Variants in BMPER observed in about 807,000 individuals in gnomAD.
The protein encoded by BMPER is BMP binding endothelial regulator.
Under a neutral mutation model 87.3 loss-of-function variants are expected in BMPER, and 45 were observed. The ratio of observed to expected loss-of-function variants is 0.52; its 90% CI spans 0.41 to 0.66. The LOEUF is 0.66. BMPER is among the 30% of genes least tolerant of loss of function. The pLI is 0.00. For missense variants in BMPER, 784 were observed against 867.5 expected (o/e 0.90, Z 1.21); for synonymous variants, 326 against 316.2 (o/e 1.03, Z -0.33).
intron 6 of BMPER, among the ~76,000 whole-genome samples, chr7:33,976,573 T>A (rs113531199): frequency 1.4e-4 from 22 of 152,362 alleles, no homozygotes; most frequent in African/African-American, 2.2e-4. Context: ...TAATTTTTTT[T>A]AAATAATCTT....
intron 13 of BMPER, among the ~76,000 whole-genome samples, chr7:34,132,974 C>CT (rs35253517): frequency 0.16 from 24,574 of 151,956 alleles, 2,240 homozygotes; most frequent in Non-Finnish European, 0.2. Context: ...CTAGGGAAAT[C>CT]TTTTTTTTAA....
chr7:34,145,181 AGTTT>A (rs1790984761), intron 14 of BMPER, among the ~76,000 whole-genome samples: 1 of 152,160 alleles, frequency 6.6e-6, no homozygotes, highest in Non-Finnish European at 1.5e-5. Context: ...CCCCTGAGTT[AGTTT>A]GTGTGTTTAC....
chr7:33,986,212 T>TC (rs764610038), intron 6 of BMPER, among the ~76,000 whole-genome samples: 1 of 152,186 alleles, frequency 6.6e-6, no homozygotes, highest in African/African-American at 2.4e-5. Flanking sequence ...CTTCTCTCTT[T>TC]CCTTCTTGGC....
At chr7:34,007,353 A>G (rs1786762058) in intron 6 of BMPER, among the ~76,000 whole-genome samples, 1 of 152,096 alleles carries the variant, frequency 6.6e-6, no homozygotes, top group African/African-American at 2.4e-5. Flanking sequence ...TTTCACATGC[A>G]CATGTACATT....
At chr7:33,978,729 G>A (rs1785759696) in intron 6 of BMPER, among the ~76,000 whole-genome samples, 2 of 152,144 alleles carry the variant, frequency 1.3e-5, no homozygotes, top group African/African-American at 2.4e-5. Context: ...TTAAAAATGC[G>A]TTTAACACAC....
At chr7:33,970,202 C>T (rs1228751058) in intron 4 of BMPER, 127 bp from the exon 5 acceptor site, 19 of 867,392 alleles carry the variant, frequency 2.2e-5, no homozygotes, top group East Asian at 1.5e-4. Context: ...TCATACCTCT[C>T]GCCCTGACAC....
chr7:34,108,816 A>C (rs566732400), intron 13 of BMPER, among the ~76,000 whole-genome samples: 5 of 152,198 alleles, frequency 3.3e-5, no homozygotes, highest in Non-Finnish European at 5.9e-5. Flanking sequence ...GAATGTTCCT[A>C]AACATTAAAT....
chr7:33,924,630 T>C (rs1432205993), intron 2 of BMPER, among the ~76,000 whole-genome samples: 2 of 152,320 alleles, frequency 1.3e-5, no homozygotes, highest in Non-Finnish European at 2.9e-5. Context: ...TAGGAGTAAA[T>C]GTCTCCTTAA....
chr7:34,078,999 C>T lies in BMPER; in HGVS notation c.1221C>T (p.Asn407=), dbSNP rs761577169. ...CGCCCTTCCAGGTGCTGGTGAAGAA[C>T]GACGCCCGCCGGACACGCTCCTTCT... ...PASPFQVLVK[N]DARRTRSFSW... Residue 407 remains asparagine, a synonymous_variant, in exon 12 of 15, where the codon AAC becomes AAT. Coordinates refer to ENST00000649409, the MANE Select transcript of BMPER (RefSeq NM_001365308.1). 3.1e-6 allele frequency: 5 copies of T among 1,614,070 alleles called. No homozygotes were observed. The highest frequency in any genetic ancestry group is 4.2e-6 in the Non-Finnish European group (5 of 1,180,032).
chr7:34,003,109 A>G (rs541483978), intron 6 of BMPER, among the ~76,000 whole-genome samples: 2 of 151,872 alleles, frequency 1.3e-5, no homozygotes, highest in South Asian at 2.1e-4. Flanking sequence ...TTACTATCAT[A>G]TTTTGTGTTA....
intron 12 of BMPER, among the ~76,000 whole-genome samples, chr7:34,082,559 T>C (rs977605963): frequency 1.3e-5 from 2 of 152,086 alleles, no homozygotes; most frequent in African/African-American, 2.4e-5. Context: ...GGAGAGTGAA[T>C]TACAAATTAT....
At chr7:33,966,458 G>T (rs748885946) in intron 3 of BMPER, 21 bp from the exon 4 acceptor site, 2 of 1,607,288 alleles carry the variant, frequency 1.2e-6, no homozygotes, top group Non-Finnish European at 1.7e-6. Context: ...CTTTCTTCCT[G>T]CTTCTGTGTC....
chr7:34,081,730 TTTTAC>T (rs1789054185), intron 12 of BMPER, among the ~76,000 whole-genome samples: 1 of 152,192 alleles, frequency 6.6e-6, no homozygotes, highest in African/African-American at 2.4e-5. Flanking sequence ...GAGCATGGCT[TTTTAC>T]TTTATTTTTG....
chr7:34,092,392 AT>A (rs1416018968), intron 13 of BMPER, among the ~76,000 whole-genome samples: 3 of 152,132 alleles, frequency 2.0e-5, no homozygotes, highest in Non-Finnish European at 4.4e-5. Flanking sequence ...TTCTTATGAA[AT>A]ACTCGCATCC....
At chr7:34,086,225 C>A in intron 13 of BMPER, 133 bp downstream of exon 13, 2 of 1,029,146 alleles carry the variant, frequency 1.9e-6, no homozygotes, top group African/African-American at 1.6e-5. Flanking sequence ...TTCTTGCTGT[C>A]CAGGAGCTGA....
At chr7:34,061,214 ACTT>A (rs1788428167) in intron 10 of BMPER, among the ~76,000 whole-genome samples, 1 of 152,184 alleles carries the variant, frequency 6.6e-6, no homozygotes, top group African/African-American at 2.4e-5. Flanking sequence ...TAAATGTTAA[ACTT>A]CTTCTACATT....
At chr7:34,143,144 C>A in intron 13 of BMPER, 86 bp from the exon 14 acceptor site, 1 of 1,585,784 alleles carries the variant, frequency 6.3e-7, no homozygotes, top group Non-Finnish European at 8.6e-7. Context: ...CAGGTTTTCC[C>A]ATCTACGACC....
At chr7:33,906,362 G>A (rs1477440170) in intron 1 of BMPER, among the ~76,000 whole-genome samples, 1 of 152,196 alleles carries the variant, frequency 6.6e-6, no homozygotes. Context: ...TTAAACCTAA[G>A]ACAATGCGAG....
intron 13 of BMPER, among the ~76,000 whole-genome samples, chr7:34,094,444 G>T (rs953572310): frequency 6.6e-6 from 1 of 152,222 alleles, no homozygotes; most frequent in Admixed American, 6.5e-5. Flanking sequence ...TCCCTTGAAG[G>T]GAACGTGCCC....
Sources: gnomAD v4.1 joint callset for allele counts (sites outside exome capture counted in the v4.1 genomes callset) on GRCh38, gnomAD v4.1.1 for gene constraint, MANE v1.5 for transcripts, NCBI Gene and HGNC (gene_info 2026-07-23, HGNC 2026-07-21) for gene names.